TBCK: variants seen among roughly 807,000 people sequenced by gnomAD.
The protein encoded by TBCK is TBC1 domain containing kinase.
A neutral mutation model predicts 113.4 loss-of-function variants in TBCK; 99 were observed. The ratio of observed to expected loss-of-function variants is 0.87; its 90% CI spans 0.74 to 1.03. TBCK has a LOEUF of 1.03. TBCK is among the 50% of genes least tolerant of loss of function. The pLI, the probability that TBCK is intolerant of heterozygous loss-of-function variation, is 0.00. For missense variants in TBCK, 1,045 were observed against 1,061.3 expected (o/e 0.98, Z 0.21); for synonymous variants, 369 against 370.8 (o/e 1.00, Z 0.05).
chr4:106,257,464 CTTAT>C (rs1762114027), intron 5 of TBCK, among the ~76,000 whole-genome samples: 2 of 152,096 alleles, frequency 1.3e-5, no homozygotes, highest in South Asian at 4.1e-4. Flanking sequence ...GCTAGTACTT[CTTAT>C]TTACATTCAA....
intron 1 of TBCK, among the ~76,000 whole-genome samples, chr4:106,312,604 A>C (rs1310670783): frequency 1.3e-5 from 2 of 152,212 alleles, no homozygotes; most frequent in African/African-American, 2.4e-5. Flanking sequence ...TCTTTAACCA[A>C]GAAAAATGAA....
intron 23 of TBCK, among the ~76,000 whole-genome samples, chr4:106,145,840 A>G (rs1218360550): frequency 6.6e-6 from 1 of 152,212 alleles, no homozygotes; most frequent in East Asian, 1.9e-4. Flanking sequence ...TCAAAACCAC[A>G]ATGAGATACC....
intron 25 of TBCK, among the ~76,000 whole-genome samples, chr4:106,052,672 T>C (rs1734939382): frequency 6.6e-6 from 1 of 151,796 alleles, no homozygotes; most frequent in Non-Finnish European, 1.5e-5. Flanking sequence ...CAATGCATTT[T>C]CATGTTTTAA....
At chr4:106,203,733 T>C (rs1333062897) in intron 20 of TBCK, among the ~76,000 whole-genome samples, 1 of 152,110 alleles carries the variant, frequency 6.6e-6, no homozygotes, top group Non-Finnish European at 1.5e-5. Flanking sequence ...TATTCCAGAA[T>C]ATATTTCAAT....
At chr4:106,316,484 T>A, upstream of TBCK, 1 of 1,505,242 alleles carries the variant, frequency 6.6e-7, no homozygotes, top group Non-Finnish European at 9.1e-7. Context: ...ACACTCAGGC[T>A]TTCAGCAAGG....
At chr4:106,259,424 G>GA (rs1762295055) in intron 5 of TBCK, among the ~76,000 whole-genome samples, 2 of 151,758 alleles carry the variant, frequency 1.3e-5, no homozygotes, top group African/African-American at 2.4e-5. Flanking sequence ...CATTACAATT[G>GA]AAAAAATATG....
chr4:106,155,191 T>C (rs1386679747), intron 23 of TBCK, among the ~76,000 whole-genome samples: 3 of 151,952 alleles, frequency 2.0e-5, no homozygotes, highest in Non-Finnish European at 1.5e-5. Flanking sequence ...CACTCTCTCA[T>C]GACCTGTGAG....
chr4:106,103,490 G>A (rs1474226222), intron 24 of TBCK, among the ~76,000 whole-genome samples: 4 of 152,178 alleles, frequency 2.6e-5, no homozygotes, highest in Non-Finnish European at 1.5e-5. Context: ...ATAGGCACCT[G>A]TAAAATAGTG....
chr4:106,243,295 A>G (rs1487856660), intron 11 of TBCK, among the ~76,000 whole-genome samples: 1 of 152,144 alleles, frequency 6.6e-6, no homozygotes, highest in East Asian at 1.9e-4. Flanking sequence ...CATTAACTCA[A>G]TGTGTTCCCA....
At chr4:106,241,251 AGACAAATAAAT>A (rs150485736) in intron 12 of TBCK, among the ~76,000 whole-genome samples, 4,090 of 152,078 alleles carry the variant, frequency 0.027, 178 homozygotes, top group African/African-American at 0.094. Flanking sequence ...ATATAAAATA[AGACAAATAAAT>A]GACATATTTA....
rs1192061406 is a variant in TBCK, at chr4:106,041,885, A to C, written c.*4685T>G. ...AGGAAAATTACTCAGAAAAGATATA[A>C]ATACATGTGACTTTATAAAATATGG... is the stretch of plus-strand genomic sequence containing the variant. On this transcript the variant is annotated 3_prime_UTR_variant, in exon 26 of 26. Coordinates refer to ENST00000394708, the MANE Select transcript of TBCK (RefSeq NM_001163435.3). 1 of 152,226 alleles carries C rather than the reference A, an allele frequency of 6.6e-6. No homozygotes were observed. The highest frequency in any genetic ancestry group is 2.4e-5 in the African/African-American group (1 of 41,454). 9.4% of individuals were successfully genotyped at this position (152,226 alleles called of 1,614,324 possible). A position where few individuals can be genotyped will look rare whatever the true frequency, so the allele number is the denominator to read the frequency against.
intron 3 of TBCK, among the ~76,000 whole-genome samples, chr4:106,291,333 AG>A (rs1765688242): frequency 6.6e-6 from 1 of 152,210 alleles, no homozygotes; most frequent in African/African-American, 2.4e-5. Flanking sequence ...TTCTTTAAAA[AG>A]GGGGAAAGAC....
At chr4:106,238,553 A>C (rs572124689) in intron 12 of TBCK, 2 of 152,194 alleles carry the variant, frequency 1.3e-5, no homozygotes, top group South Asian at 2.1e-4. Flanking sequence ...GTAAAGAAAA[A>C]ACTAGGGGAA....
intron 23 of TBCK, among the ~76,000 whole-genome samples, chr4:106,168,112 C>A (rs1260567039): frequency 6.6e-6 from 1 of 151,782 alleles, no homozygotes; most frequent in African/African-American, 2.4e-5. Flanking sequence ...TTATCAAAGT[C>A]AAATCCAACA....
intron 20 of TBCK, among the ~76,000 whole-genome samples, chr4:106,197,411 G>GTGTGTA (rs35695611): frequency 1.1e-3 from 134 of 122,462 alleles, no homozygotes; most frequent in African/African-American, 3.6e-3. Context: ...GTGTGTGTGT[G>GTGTGTA]TATATATATA....
At chr4:106,135,807 T>C (rs1746488182) in intron 23 of TBCK, among the ~76,000 whole-genome samples, 1 of 141,520 alleles carries the variant, frequency 7.1e-6, no homozygotes, top group Non-Finnish European at 1.6e-5. Flanking sequence ...ATGGAGAGAC[T>C]AGTCTCACTG....
chr4:106,126,569 T>C (rs1423619854), intron 23 of TBCK, among the ~76,000 whole-genome samples: 1 of 152,166 alleles, frequency 6.6e-6, no homozygotes, highest in Non-Finnish European at 1.5e-5. Context: ...TGAATGGAGG[T>C]TCCACGTGTT....
At chr4:106,051,676 A>T (rs1734828499) in intron 25 of TBCK, among the ~76,000 whole-genome samples, 1 of 151,848 alleles carries the variant, frequency 6.6e-6, no homozygotes, top group Non-Finnish European at 1.5e-5. Flanking sequence ...GCTTCACACA[A>T]ATTAGGTGCA....
intron 6 of TBCK, among the ~76,000 whole-genome samples, chr4:106,251,627 G>T (rs1009853494): frequency 6.6e-6 from 1 of 151,748 alleles, no homozygotes; most frequent in Non-Finnish European, 1.5e-5. Context: ...ACATTATAGA[G>T]ATATCAAAAT....
Sources: gnomAD v4.1 joint callset for allele counts (sites outside exome capture counted in the v4.1 genomes callset) on GRCh38, gnomAD v4.1.1 for gene constraint, MANE v1.5 for transcripts, NCBI Gene and HGNC (gene_info 2026-07-23, HGNC 2026-07-21) for gene names.